Variants in ARHGAP42 observed in about 807,000 individuals in gnomAD.
ARHGAP42 encodes the protein Rho GTPase activating protein 42.
A neutral mutation model predicts 125.0 loss-of-function variants in ARHGAP42; 63 were observed. The observed-to-expected ratio is 0.50, with a 90% CI of 0.41 to 0.62. The LOEUF is 0.62. Ranked by LOEUF, ARHGAP42 falls within the 20% of genes least tolerant of loss-of-function variation. ARHGAP42 has a pLI of 0.00. For missense variants in ARHGAP42, 766 were observed against 1,024.2 expected (o/e 0.75, Z 3.44); for synonymous variants, 339 against 351.0 (o/e 0.97, Z 0.38).
intron 4 of ARHGAP42, among the ~76,000 whole-genome samples, chr11:100,862,664 G>A (rs1765458032): frequency 6.6e-6 from 1 of 152,098 alleles, no homozygotes; most frequent in Non-Finnish European, 1.5e-5. Context: ...TTATCTGTCT[G>A]ATGCATTTAG....
At chr11:100,717,661 T>TA (rs1861688412) in intron 1 of ARHGAP42, among the ~76,000 whole-genome samples, 1 of 144,356 alleles carries the variant, frequency 6.9e-6, no homozygotes, top group African/African-American at 2.6e-5. Flanking sequence ...AAAAAAAGAT[T>TA]CCATATATAA....
At chr11:100,938,146 G>A (rs1263237015) in intron 8 of ARHGAP42, among the ~76,000 whole-genome samples, 1 of 151,056 alleles carries the variant, frequency 6.6e-6, no homozygotes, top group Non-Finnish European at 1.5e-5. Flanking sequence ...GTGTTTCTCT[G>A]TAGCCTTGGG....
In ARHGAP42 at chr11:100,992,390, C is replaced by T; in HGVS notation, c.*3589C>T. 2 of 1,614,048 alleles carry T rather than the reference C, an allele frequency of 1.2e-6. No homozygotes were observed. Among genetic ancestry groups the T allele is most frequent in the Non-Finnish European group, 1.7e-6 (2 of 1,179,952 alleles). On this transcript the variant is annotated 3_prime_UTR_variant, in exon 24 of 24. Coordinates refer to ENST00000298815, the MANE Select transcript of ARHGAP42 (RefSeq NM_152432.4). ...AAAAGAACACAGGCTTGACTATTGT[C>T]CAGAAGTTACTTTCCCCTTGACTAA...
chr11:100,980,559 C>CTTCT (rs1555037006), intron 22 of ARHGAP42, among the ~76,000 whole-genome samples: 530 of 51,976 alleles, frequency 0.01, 43 homozygotes, highest in African/African-American at 0.024. Flanking sequence ...TTTTCTTCTT[C>CTTCT]TTTTTTTTTT....
intron 1 of ARHGAP42, among the ~76,000 whole-genome samples, chr11:100,766,047 A>G (rs1862821052): frequency 6.6e-6 from 1 of 152,176 alleles, no homozygotes; most frequent in Non-Finnish European, 1.5e-5. Flanking sequence ...TAATGAAATG[A>G]AGTTTTAGTG....
chr11:100,900,935 A>G (rs1866528854), intron 4 of ARHGAP42, among the ~76,000 whole-genome samples: 1 of 152,126 alleles, frequency 6.6e-6, no homozygotes, highest in Non-Finnish European at 1.5e-5. Context: ...TCCATTGCTG[A>G]CGAGGAGCTG....
chr11:100,805,057 G>T (rs1036168066), intron 3 of ARHGAP42, among the ~76,000 whole-genome samples: 3 of 152,226 alleles, frequency 2.0e-5, no homozygotes, highest in Admixed American at 6.5e-5. Context: ...AGGCACTGCT[G>T]CAGTTGCTTC....
intron 1 of ARHGAP42, among the ~76,000 whole-genome samples, chr11:100,710,298 G>C (rs1425811160): frequency 6.6e-6 from 1 of 151,666 alleles, no homozygotes; most frequent in Non-Finnish European, 1.5e-5. Context: ...TATGATCTCG[G>C]CTCACTGTAA....
At chr11:100,863,004 T>A (rs1258805981) in intron 4 of ARHGAP42, among the ~76,000 whole-genome samples, 2 of 140,464 alleles carry the variant, frequency 1.4e-5, no homozygotes, top group East Asian at 4.2e-4. Context: ...GCCATTTCAC[T>A]GCAGCCTGGG....
Position 100,707,646 on chromosome 11 carries a change from A to C in ARHGAP42, c.154+19814A>C, listed in dbSNP as rs567648877. Among the ~76,000 whole-genome samples, 3 of 152,332 alleles carry C rather than the reference A, an allele frequency of 2.0e-5. No individual in the cohort carries two copies. The East Asian group carries it at 5.8e-4, about 29-fold the overall frequency. On this transcript the variant is annotated intron_variant, in intron 1 of 23. Transcript: ENST00000298815. Reference sequence around the variant, plus strand: ...GAACAGTGTTGAGCAAGGACGAAAGAGGTGAAGGAGAAAGAAAATGAGACA... The same window carrying C: ...GAACAGTGTTGAGCAAGGACGAAAGCGGTGAAGGAGAAAGAAAATGAGACA...
chr11:100,758,459 C>T (rs1214397526), intron 1 of ARHGAP42, among the ~76,000 whole-genome samples: 2 of 152,230 alleles, frequency 1.3e-5, no homozygotes, highest in African/African-American at 4.8e-5. Context: ...GATCAATTTA[C>T]CTTTTGGAAT....
chr11:100,962,526 TA>T (rs1165697913), intron 16 of ARHGAP42, 59 bp downstream of exon 16: 1 of 1,376,094 alleles, frequency 7.3e-7, no homozygotes, highest in African/African-American at 1.4e-5. Context: ...CTGCCATACT[TA>T]GGCATATATT....
intron 10 of ARHGAP42, among the ~76,000 whole-genome samples, chr11:100,945,493 A>G (rs1867992443): frequency 6.6e-6 from 1 of 152,100 alleles, no homozygotes; most frequent in African/African-American, 2.4e-5. Flanking sequence ...GTGAAAGCCT[A>G]ATGAAATGTG....
chr11:100,847,419 A>T (rs1224265749), intron 3 of ARHGAP42, among the ~76,000 whole-genome samples: 1 of 152,122 alleles, frequency 6.6e-6, no homozygotes, highest in Non-Finnish European at 1.5e-5. Flanking sequence ...GCAGCAAAAA[A>T]GGTTTTTAGG....
At chr11:100,903,709 A>AAAAAAAAAAAAAAAT (rs1332890022) in intron 4 of ARHGAP42, among the ~76,000 whole-genome samples, 2 of 63,516 alleles carry the variant, frequency 3.1e-5, no homozygotes, top group Non-Finnish European at 5.9e-5. Context: ...TGTCCCTCAA[A>AAAAAAAAAAAAAAAT]ATATATATAT....
intron 3 of ARHGAP42, among the ~76,000 whole-genome samples, chr11:100,830,455 T>C (rs536538294): frequency 6.6e-6 from 1 of 152,302 alleles, no homozygotes; most frequent in African/African-American, 2.4e-5. Context: ...GAATGATTGC[T>C]TCTGAGTGTA....
rs528988347 is a variant in ARHGAP42 at position 100,795,328 on chromosome 11, A to T, written c.312+162A>T. 7.2e-5 allele frequency among the ~76,000 whole-genome samples: 11 copies of T among 152,334 alleles called. No homozygotes were observed. The East Asian group carries it at 2.1e-3, about 29-fold the overall frequency. ...GAAAAGATTTGTGACTATAATTATC[A>T]TATATTGCTGATAAGATATACCATT... On this transcript the variant is annotated intron_variant, in intron 3 of 23. Coordinates refer to ENST00000298815, the MANE Select transcript of ARHGAP42 (RefSeq NM_152432.4).
chr11:100,837,277 A>G (rs1271890993), intron 3 of ARHGAP42, among the ~76,000 whole-genome samples: 1 of 152,100 alleles, frequency 6.6e-6, no homozygotes, highest in African/African-American at 2.4e-5. Context: ...GAAGTTTAAC[A>G]CAGGTAGACT....
chr11:100,824,962 G>A, intron 3 of ARHGAP42, among the ~76,000 whole-genome samples: 1 of 152,158 alleles, frequency 6.6e-6, no homozygotes, highest in Non-Finnish European at 1.5e-5. Flanking sequence ...ATGAGTGAAT[G>A]TTTTTATAAA....
Sources: allele counts gnomAD v4.1 joint callset (sites outside exome capture counted in the v4.1 genomes callset), GRCh38; gene constraint gnomAD v4.1.1; transcripts MANE v1.5; gene names NCBI Gene and HGNC (gene_info 2026-07-23, HGNC 2026-07-21).